Variants in ABI3BP observed in about 807,000 individuals in gnomAD.
ABI3BP encodes ABI family member 3 binding protein.
ABI3BP carries 216 observed loss-of-function variants against 268.6 expected under a neutral mutation model. The ratio of observed to expected loss-of-function variants is 0.80; its 90% confidence interval spans 0.72 to 0.90. The LOEUF (loss-of-function observed/expected upper bound fraction) is 0.90. ABI3BP is among the 40% of genes least tolerant of loss of function. The probability of loss-of-function intolerance (pLI) is 0.00; values close to 1 mark genes in which losing one functional copy is unlikely to be tolerated. For synonymous variants in ABI3BP, 730 were observed against 730.0 expected, an observed-to-expected ratio of 1.00 and a Z score of 0.00; for missense variants, 2,090 against 2,182.4, an observed-to-expected ratio of 0.96 and a Z score of 0.84.
chr3:100,815,198 G>C (rs73135523), intron 44 of ABI3BP, among the ~76,000 whole-genome samples: 16 of 151,966 alleles, frequency 1.1e-4, no homozygotes, highest in Admixed American at 1.1e-3. Context: ...ATCATTGAAA[G>C]CATTGTATGT....
chr3:100,749,719 G>T lies in ABI3BP; in HGVS notation c.*776C>A, dbSNP rs969270264. 2 of 398,308 alleles carry T rather than the reference G, an allele frequency of 5.0e-6. No individual in the cohort carries two copies. The highest frequency in any genetic ancestry group is 4.1e-5 in the African/African-American group (2 of 48,580). 24.7% of individuals were successfully genotyped at this position (398,308 alleles called of 1,614,324 possible). Reference sequence around the variant, plus strand: ...TCAGTCTCTACATACAGCTTGATTAGAATCATAAAAACAATATGAAGACGA... The same window carrying T: ...TCAGTCTCTACATACAGCTTGATTATAATCATAAAAACAATATGAAGACGA... On this transcript the variant is annotated 3_prime_UTR_variant, in exon 68 of 68. Transcript: ENST00000471714.
intron 2 of ABI3BP, among the ~76,000 whole-genome samples, chr3:100,920,702 T>A (rs1251689453): frequency 6.6e-6 from 1 of 152,240 alleles, no homozygotes; most frequent in Non-Finnish European, 1.5e-5. Flanking sequence ...ATTACAGGCA[T>A]GAGCCACCAC....
At chr3:100,959,970 T>A (rs1218000544) in intron 1 of ABI3BP, among the ~76,000 whole-genome samples, 3 of 152,098 alleles carry the variant, frequency 2.0e-5, no homozygotes, top group Admixed American at 2.0e-4. Context: ...TTAAAAAAAA[T>A]TTGCAAAGAA....
chr3:100,943,128 A>G (rs1254553773), intron 1 of ABI3BP, among the ~76,000 whole-genome samples: 1 of 152,128 alleles, frequency 6.6e-6, no homozygotes, highest in Non-Finnish European at 1.5e-5. Flanking sequence ...TTTAAAATCA[A>G]AGATGAGTTA....
chr3:100,808,215 C>A lies in ABI3BP; in HGVS notation c.3628G>T (p.Ala1210Ser), dbSNP rs749416433. The A allele has an allele frequency of 6.2e-7, 1 of 1,610,746 alleles. No homozygotes were observed. Among genetic ancestry groups the A allele is most frequent in the Non-Finnish European group, 8.5e-7 (1 of 1,178,164 alleles). The change falls in exon 50 of 68, where the codon GCT becomes TCT. Residue 1210 changes from alanine to serine, a missense_variant. Transcript: ENST00000471714. The part of the protein sequence containing the change: ...TEPAPKQTPR[A>S]PPKPKTSPRP... ...GGTGATGTTTTTGGCTTAGGAGGAGCACGTGGTGTCTGCTTGGGAGCTAAA... is the reference window on the plus strand; with the variant it reads ...GGTGATGTTTTTGGCTTAGGAGGAGAACGTGGTGTCTGCTTGGGAGCTAAA...
rs1553959058 is a variant in ABI3BP, at chr3:100,841,220, T to TTG, written c.1766-363_1766-362insCA. On this transcript the variant is annotated intron_variant, in intron 21 of 67. Coordinates refer to ENST00000471714, the MANE Select transcript of ABI3BP (RefSeq NM_001375547.2). ...TTTTTTTTTTTTTTTTTTTTTTTTT[T>TTG]TTTTTTTGCTCTTTTGAAGAAAAAG... Among the ~76,000 whole-genome samples, 11 of 119,548 alleles carry TTG rather than the reference T, an allele frequency of 9.2e-5. No individual in the cohort carries two copies. The East Asian group carries it at 1.0e-3, about 11-fold the overall frequency. 78.4% of individuals were successfully genotyped at this position (119,548 alleles called of 152,430 possible). A position where few individuals can be genotyped will look rare whatever the true frequency, so the allele number is the denominator to read the frequency against.
chr3:100,940,243 G>A (rs954438935), intron 1 of ABI3BP, among the ~76,000 whole-genome samples: 2 of 151,980 alleles, frequency 1.3e-5, no homozygotes, highest in Non-Finnish European at 2.9e-5. Context: ...AAATCACAAG[G>A]GTACTGATTG....
rs200982966 is a variant in ABI3BP, at chr3:100,876,750, C to A, written c.697-190G>T. Among the ~76,000 whole-genome samples, 434 of 151,548 alleles carry A rather than the reference C, an allele frequency of 2.9e-3. 3 individuals carry two copies. Among genetic ancestry groups the A allele is most frequent in the South Asian group, 3.8e-3 (18 of 4,766 alleles). On this transcript the variant is annotated intron_variant, in intron 6 of 67. Coordinates refer to ENST00000471714, the MANE Select transcript of ABI3BP (RefSeq NM_001375547.2). ...ATCCCAGCACTTTGGGAGGCTGAGG[C>A]GGGTGGATCACCTGAGGTCAGGAGT...
At chr3:100,820,147 C>A (rs1266278785) in intron 40 of ABI3BP, 73 bp downstream of exon 40, 6 of 1,291,540 alleles carry the variant, frequency 4.6e-6, no homozygotes, top group Non-Finnish European at 6.5e-6. Context: ...GCCATCACTC[C>A]CATCATTGGC....
At chr3:100,990,180 A>G (rs1183013750) in intron 1 of ABI3BP, among the ~76,000 whole-genome samples, 1 of 152,198 alleles carries the variant, frequency 6.6e-6, no homozygotes, top group East Asian at 1.9e-4. Flanking sequence ...TTTGTCTTAC[A>G]TTTTGAATAC....
At chr3:100,853,373 C>T (rs1284287633) in intron 14 of ABI3BP, among the ~76,000 whole-genome samples, 3 of 152,160 alleles carry the variant, frequency 2.0e-5, no homozygotes, top group Non-Finnish European at 2.9e-5. Context: ...ATCAAAAGTG[C>T]CCGCAATTTC....
rs2153478835 is a variant in ABI3BP, at chr3:100,898,913, G to A, written c.329-19C>T. On this transcript the variant is annotated intron_variant, in intron 3 of 67. Coordinates refer to ENST00000471714, the MANE Select transcript of ABI3BP (RefSeq NM_001375547.2). ...GTTTTACCTGTGGAGGTGGCATAGA[G>A]GTTAATAATTCAGGAGACATTTAGT... The A allele has an allele frequency of 1.9e-6, 3 of 1,587,560 alleles. No homozygotes were observed. Among genetic ancestry groups the A allele is most frequent in the Non-Finnish European group, 2.6e-6 (3 of 1,167,922 alleles).
chr3:100,910,712 C>T (rs998127937), intron 2 of ABI3BP, among the ~76,000 whole-genome samples: 17 of 152,162 alleles, frequency 1.1e-4, no homozygotes, highest in Admixed American at 9.8e-4. Context: ...CAGTGTAAGG[C>T]TTTCCCTCAA....
chr3:100,842,168 T>TA, intron 20 of ABI3BP, 129 bp from the exon 21 acceptor site: 5 of 720,242 alleles, frequency 6.9e-6, no homozygotes, highest in Non-Finnish European at 1.1e-5. Context: ...CTTCTGCCAG[T>TA]GAAGTTCAAC....
intron 1 of ABI3BP, among the ~76,000 whole-genome samples, chr3:100,974,383 T>C (rs1280798909): frequency 6.6e-6 from 1 of 152,194 alleles, no homozygotes; most frequent in African/African-American, 2.4e-5. Flanking sequence ...AATGAGCAAG[T>C]GGCTGCATGG....
intron 14 of ABI3BP, among the ~76,000 whole-genome samples, chr3:100,855,224 C>T (rs2098927082): frequency 6.6e-6 from 1 of 152,164 alleles, no homozygotes; most frequent in African/African-American, 2.4e-5. Context: ...CTGTGTCCAG[C>T]CCTAAATTAT....
chr3:100,986,748 T>G (rs531311853), intron 1 of ABI3BP, among the ~76,000 whole-genome samples: 1 of 152,330 alleles, frequency 6.6e-6, no homozygotes, highest in South Asian at 2.1e-4. Context: ...ATTACACTAA[T>G]ATACTCTTTA....
intron 29 of ABI3BP, among the ~76,000 whole-genome samples, chr3:100,834,218 T>A (rs974757852): frequency 6.6e-6 from 1 of 152,186 alleles, no homozygotes; most frequent in Admixed American, 6.6e-5. Context: ...GTTTTGCTTC[T>A]CTAAGAATTA....
Position 100,870,566 on chromosome 3 carries a change from G to A in ABI3BP, c.911-3610C>T, listed in dbSNP as rs576414806. Among the ~76,000 whole-genome samples the A allele has an allele frequency of 8.5e-4, 129 of 152,318 alleles. 1 individual carries two copies. Among genetic ancestry groups the A allele is most frequent in the African/African-American group, 2.6e-3 (109 of 41,572 alleles). On this transcript the variant is annotated intron_variant, in intron 9 of 67. Transcript: ENST00000471714. ...AAATAGGTGTTGGCAAGGGTGTGGA[G>A]AAAAGGAAATTCTTGTTTATTGTTG...
Sources: gnomAD v4.1 joint callset for allele counts (sites outside exome capture counted in the v4.1 genomes callset) on GRCh38, gnomAD v4.1.1 for gene constraint, MANE v1.5 for transcripts, NCBI Gene and HGNC (gene_info 2026-07-23, HGNC 2026-07-21) for gene names.